The following NLGN4X variants were observed in gnomAD, a reference collection of about 807,000 sequenced individuals.
NLGN4X encodes the protein neuroligin-4, X-linked.
In NLGN4X, 3 loss-of-function variants were observed where a neutral mutation model predicts 40.3. The ratio of observed to expected loss-of-function variants is 0.07; its 90% CI spans 0.03 to 0.19. NLGN4X has a LOEUF of 0.19. Among genes scored for constraint, NLGN4X ranks in the 10% least tolerant of loss-of-function variants. The pLI is 1.00. For missense variants in NLGN4X, 382 were observed against 708.3 expected (o/e 0.54, Z 5.23); for synonymous variants, 270 against 306.8 (o/e 0.88, Z 1.25).
intron 2 of NLGN4X, among the ~76,000 whole-genome samples, chrX:6,146,105 A>C (rs749900035): frequency 9.4e-6 from 1 of 106,768 alleles, no homozygotes; most frequent in East Asian, 3.0e-4. Flanking sequence ...ACAGAGCAAG[A>C]TCCTGTTTCT....
At chrX:5,901,765 C>G (rs959002619) in intron 5 of NLGN4X, among the ~76,000 whole-genome samples, 5 of 106,165 alleles carry the variant, frequency 4.7e-5, no homozygotes, top group African/African-American at 1.7e-4. Flanking sequence ...AGAGAAAATA[C>G]AAACGTATTT....
In NLGN4X at chrX:5,892,807, T is replaced by C. The variant is rs773200947; in HGVS notation, c.*10A>G. The stretch of plus-strand genomic sequence containing the variant: ...TAGGGCAGAGGGATAGGAAGGGAAA[T>C]AGGGCAAAGCTATACTCTAGTGGTG... On this transcript the variant is annotated 3_prime_UTR_variant, in exon 6 of 6. Transcript: ENST00000381095. 5.0e-6 allele frequency: 6 copies of C among 1,208,726 alleles called. No individual in the cohort carries two copies. The highest frequency in any genetic ancestry group is 1.8e-5 in the South Asian group (1 of 56,676).
intron 4 of NLGN4X, among the ~76,000 whole-genome samples, chrX:5,904,144 A>AATAC (rs1406701467): frequency 9.0e-6 from 1 of 111,491 alleles, no homozygotes; most frequent in Non-Finnish European, 1.9e-5. Flanking sequence ...GCACTGGTAA[A>AATAC]ATACATGTGA....
At position 6,135,477 on chromosome X, in the gene NLGN4X, T is replaced by A. The variant is rs948656018; in HGVS notation, c.472+15518A>T. Among the ~76,000 whole-genome samples, 3 of 111,781 alleles carry A rather than the reference T, an allele frequency of 2.7e-5. No homozygotes were observed. The Admixed American group carries it at 2.9e-4, about 11-fold the overall frequency. ...TTCTTGTTTGGTACTATTTGTAATA[T>A]AAGCAACAATGGACATCAATGAGTT... is the stretch of plus-strand genomic sequence containing the variant. On this transcript the variant is annotated intron_variant, in intron 2 of 5. Coordinates refer to ENST00000381095, the MANE Select transcript of NLGN4X (RefSeq NM_181332.3).
At chrX:6,206,067 C>T (rs1433529501) in intron 1 of NLGN4X, among the ~76,000 whole-genome samples, 1 of 110,995 alleles carries the variant, frequency 9.0e-6, no homozygotes, top group African/African-American at 3.3e-5. Context: ...ACTCATTTTA[C>T]AGTTGAGGGA....
At chrX:5,929,679 G>T (rs1351696640) in intron 3 of NLGN4X, among the ~76,000 whole-genome samples, 1 of 112,037 alleles carries the variant, frequency 8.9e-6, no homozygotes, top group Non-Finnish European at 1.9e-5. Flanking sequence ...TAATATAAGG[G>T]AAAAGAAATA....
At chrX:6,114,635 T>G (rs767891896) in intron 2 of NLGN4X, among the ~76,000 whole-genome samples, 38 of 111,203 alleles carry the variant, frequency 3.4e-4, no homozygotes, top group Non-Finnish European at 3.8e-4. Context: ...TCCTTTATTA[T>G]TTTAGTAACG....
At chrX:6,209,165 T>C (rs1022493611) in intron 1 of NLGN4X, among the ~76,000 whole-genome samples, 3 of 111,610 alleles carry the variant, frequency 2.7e-5, no homozygotes, top group Non-Finnish European at 5.6e-5. Flanking sequence ...CACTCCTAAG[T>C]GGGAGCTAAA....
chrX:6,013,447 T>C (rs145176371), intron 3 of NLGN4X, among the ~76,000 whole-genome samples: 38 of 111,311 alleles, frequency 3.4e-4, no homozygotes, highest in African/African-American at 1.1e-3. Context: ...CTTTTTTAAT[T>C]AGCTTGCATT....
chrX:5,970,659 T>C (rs1020080663), intron 3 of NLGN4X, among the ~76,000 whole-genome samples: 4 of 112,123 alleles, frequency 3.6e-5, no homozygotes, highest in Admixed American at 1.9e-4. Flanking sequence ...TTATATCTAA[T>C]AATGTGGGTG....
intron 2 of NLGN4X, among the ~76,000 whole-genome samples, chrX:6,055,453 C>T (rs1455837187): frequency 9.0e-6 from 1 of 111,604 alleles, no homozygotes; most frequent in Non-Finnish European, 1.9e-5. Context: ...TTTGATTGCA[C>T]CTGGGCAAAA....
intron 1 of NLGN4X, among the ~76,000 whole-genome samples, chrX:6,215,798 C>T (rs1419744573): frequency 3.6e-5 from 4 of 111,360 alleles, no homozygotes; most frequent in African/African-American, 1.3e-4. Context: ...AACAATAGCA[C>T]TGTCCCTGGA....
At chrX:5,938,491 G>A (rs957145560) in intron 3 of NLGN4X, among the ~76,000 whole-genome samples, 2 of 111,130 alleles carry the variant, frequency 1.8e-5, no homozygotes, top group Non-Finnish European at 3.8e-5. Context: ...TGTTCGGTTG[G>A]CTTTGCTTTT....
At chrX:6,019,761 A>C (rs770076040) in intron 3 of NLGN4X, among the ~76,000 whole-genome samples, 5 of 111,912 alleles carry the variant, frequency 4.5e-5, no homozygotes, top group Non-Finnish European at 9.4e-5. Flanking sequence ...GAGAAGCAAA[A>C]TGAAGAAAAC....
At chrX:6,052,461 G>A (rs2037516880) in intron 2 of NLGN4X, among the ~76,000 whole-genome samples, 1 of 112,112 alleles carries the variant, frequency 8.9e-6, no homozygotes, top group Admixed American at 9.5e-5. Context: ...TGAAATTTCA[G>A]GTAATGTGAA....
intron 3 of NLGN4X, among the ~76,000 whole-genome samples, chrX:5,923,710 G>A (rs1156445045): frequency 9.0e-6 from 1 of 111,710 alleles, no homozygotes; most frequent in Non-Finnish European, 1.9e-5. Context: ...CTCCCGCTGG[G>A]TCCCTCTCAC....
chrX:5,967,520 A>C (rs1341045569), intron 3 of NLGN4X, among the ~76,000 whole-genome samples: 1 of 111,270 alleles, frequency 9.0e-6, no homozygotes. Flanking sequence ...AAAGCTAAGG[A>C]AGGTGGAAGG....
intron 1 of NLGN4X, among the ~76,000 whole-genome samples, chrX:6,221,427 A>ATATATC (rs1925698672): frequency 1.4e-5 from 1 of 72,637 alleles, no homozygotes; most frequent in South Asian, 7.3e-4. Flanking sequence ...ATATATATAT[A>ATATATC]TATTTGCTTT....
intron 3 of NLGN4X, among the ~76,000 whole-genome samples, chrX:6,011,560 C>T (rs1004039259): frequency 9.0e-6 from 1 of 110,624 alleles, no homozygotes; most frequent in Non-Finnish European, 1.9e-5. Context: ...TATCTCTCCA[C>T]CGATCAGTGA....
Sources: gnomAD v4.1 joint callset for allele counts (sites outside exome capture counted in the v4.1 genomes callset) on GRCh38, gnomAD v4.1.1 for gene constraint, MANE v1.5 for transcripts, NCBI Gene and HGNC (gene_info 2026-07-23, HGNC 2026-07-21) for gene names.